ARAP1: variants seen among roughly 807,000 people sequenced by gnomAD.
ARAP1 encodes arf-GAP with Rho-GAP domain, ANK repeat and PH domain-containing protein 1.
A neutral mutation model predicts 172.2 loss-of-function variants in ARAP1; 76 were observed. The observed-to-expected ratio is 0.44, with a 90% CI of 0.37 to 0.53. The LOEUF (loss-of-function observed/expected upper bound fraction) is 0.53. Among genes scored for constraint, ARAP1 ranks in the 20% least tolerant of loss-of-function variants. The pLI, the probability that ARAP1 is intolerant of heterozygous loss-of-function variation, is 0.00. For missense variants in ARAP1, 1,686 were observed against 1,977.5 expected (o/e 0.85, Z 2.80); for synonymous variants, 804 against 803.3 (o/e 1.00, Z -0.01).
intron 1 of ARAP1, among the ~76,000 whole-genome samples, chr11:72,750,679 TG>T (rs1220313095): frequency 6.6e-6 from 1 of 152,150 alleles, no homozygotes; most frequent in Non-Finnish European, 1.5e-5. Flanking sequence ...ATCCTGCAGA[TG>T]GGGAAATGGA....
intron 30 of ARAP1, among the ~76,000 whole-genome samples, chr11:72,692,382 C>T (rs1383136452): frequency 6.6e-6 from 1 of 152,182 alleles, no homozygotes; most frequent in Non-Finnish European, 1.5e-5. Flanking sequence ...AACATTCTGA[C>T]AGTCCTGGAA....
chr11:72,721,844 G>T, intron 3 of ARAP1: 1 of 985,662 alleles, frequency 1.0e-6, no homozygotes, highest in Non-Finnish European at 1.2e-6. Context: ...GCGGCACCTC[G>T]CTTACCCTCA....
At chr11:72,751,711 T>TC (rs1858536160) in intron 1 of ARAP1, among the ~76,000 whole-genome samples, 1 of 150,834 alleles carries the variant, frequency 6.6e-6, no homozygotes, top group African/African-American at 2.4e-5. Flanking sequence ...CTGGCCAGAT[T>TC]CCCCCCCTCC....
chr11:72,734,286 A>C (rs1190216439), intron 1 of ARAP1, among the ~76,000 whole-genome samples: 1 of 151,988 alleles, frequency 6.6e-6, no homozygotes, highest in East Asian at 1.9e-4. Flanking sequence ...GTGCCCAGCT[A>C]ATTTTGTTAT....
intron 1 of ARAP1, among the ~76,000 whole-genome samples, chr11:72,744,113 C>T (rs1858284224): frequency 6.6e-6 from 1 of 152,104 alleles, no homozygotes; most frequent in South Asian, 2.1e-4. Flanking sequence ...TCTCCGACTC[C>T]CACAGTCACA....
chr11:72,699,285 G>C lies in ARAP1; in HGVS notation c.2438+132C>G. ...CTGGGGCCTCAAGAGACTGGAGTCG[G>C]CCCTTGTGCAGCCTCCGTTTGCTGT... is the stretch of plus-strand genomic sequence containing the variant. On this transcript the variant is annotated intron_variant, in intron 17 of 34. Coordinates refer to ENST00000393609, the MANE Select transcript of ARAP1 (RefSeq NM_001040118.3). This position sits in a 1 kb window ranked among gnomAD's most constrained non-coding sequence, Gnocchi z 4.2. 6.9e-7 allele frequency: 1 copy of C among 1,456,140 alleles called. No homozygotes were observed. The highest frequency in any genetic ancestry group is 9.3e-7 in the Non-Finnish European group (1 of 1,073,668). 90.2% of individuals were successfully genotyped at this position (1,456,140 alleles called of 1,614,324 possible). A position where few individuals can be genotyped will look rare whatever the true frequency, so the allele number is the denominator to read the frequency against.
chr11:72,711,163 T>C (rs754773089), intron 8 of ARAP1, 22 bp from the exon 9 acceptor site: 5 of 1,613,774 alleles, frequency 3.1e-6, no homozygotes, highest in Non-Finnish European at 4.2e-6. Flanking sequence ...ACAGGAACTA[T>C]ATTTTGGGAC....
rs758440606 is a variant in ARAP1 at position 72,695,559 on chromosome 11, T to C, written c.3490A>G (p.Thr1164Ala). Reference sequence around the variant, plus strand: ...GCCTTCACCTGGGTCCCACTGGCAGTGCCAGCCACGCGCATCTTCACAATG... The same window carrying C: ...GCCTTCACCTGGGTCCCACTGGCAGCGCCAGCCACGCGCATCTTCACAATG... ...TAIVKMRVAGTASGTQHAGDF... is the reference protein window; with the variant it reads ...TAIVKMRVAGAASGTQHAGDF... The change falls in exon 25 of 35, where the codon ACT (threonine) becomes GCT (alanine). Residue 1164 changes from threonine (T) to alanine (A), a missense_variant. Coordinates refer to ENST00000393609, the MANE Select transcript of ARAP1 (RefSeq NM_001040118.3). The surrounding 1 kb of genome is among the most constrained non-coding windows in gnomAD (Gnocchi z 4.4). 6.2e-7 allele frequency: 1 copy of C among 1,613,968 alleles called. No homozygotes were observed. The highest frequency in any genetic ancestry group is 8.5e-7 in the Non-Finnish European group (1 of 1,180,040).
intron 8 of ARAP1, 105 bp downstream of exon 8, chr11:72,711,325 A>G (rs1857002273): frequency 2.0e-6 from 3 of 1,493,574 alleles, no homozygotes; most frequent in African/African-American, 1.4e-5. Flanking sequence ...GGTCAGACTT[A>G]GAACTCTGGC....
At chr11:72,748,017 C>T (rs1858421589) in intron 1 of ARAP1, among the ~76,000 whole-genome samples, 1 of 152,198 alleles carries the variant, frequency 6.6e-6, no homozygotes, top group African/African-American at 2.4e-5. Context: ...TGTAGATTCC[C>T]AGCTATTCTA....
At chr11:72,730,611 A>G (rs1857837171) in intron 2 of ARAP1, among the ~76,000 whole-genome samples, 1 of 152,186 alleles carries the variant, frequency 6.6e-6, no homozygotes, top group African/African-American at 2.4e-5. Context: ...GGTGCAGGAG[A>G]ATCGCTTGAA....
chr11:72,734,080 C>CG (rs1491126731), intron 1 of ARAP1, among the ~76,000 whole-genome samples: 66 of 151,844 alleles, frequency 4.3e-4, no homozygotes, highest in African/African-American at 1.5e-3. Flanking sequence ...CCCACCTCAG[C>CG]CCCCCCAGTT....
chr11:72,704,054 C>T (rs1856643754), intron 14 of ARAP1, 98 bp downstream of exon 14: 4 of 1,486,296 alleles, frequency 2.7e-6, no homozygotes, highest in Non-Finnish European at 1.9e-6. Context: ...AGACATCTCC[C>T]TGAGCTGGTA....
chr11:72,692,135 G>C (rs1855960586), intron 30 of ARAP1, among the ~76,000 whole-genome samples: 1 of 152,144 alleles, frequency 6.6e-6, no homozygotes, highest in African/African-American at 2.4e-5. Context: ...GGGACCCATG[G>C]GGGCATCATG....
intron 16 of ARAP1, among the ~76,000 whole-genome samples, chr11:72,701,382 C>G (rs1856477449): frequency 6.6e-6 from 1 of 152,168 alleles, no homozygotes; most frequent in Non-Finnish European, 1.5e-5. Flanking sequence ...ACCAGATGCT[C>G]AGCAGAGCCC....
chr11:72,708,928 T>C (rs759945658), intron 11 of ARAP1, among the ~76,000 whole-genome samples: 4 of 151,914 alleles, frequency 2.6e-5, no homozygotes, highest in South Asian at 2.1e-4. Context: ...TCCCAGCTAC[T>C]TGGGGAGGCT....
In ARAP1 at chr11:72,701,646, C is replaced by T; in HGVS notation, c.2302+3G>A. The T allele has an allele frequency of 1.2e-6, 2 of 1,612,120 alleles. No homozygotes were observed. The highest frequency in any genetic ancestry group is 2.2e-5 in the East Asian group (1 of 44,868). On this transcript the variant is annotated splice_donor_region_variant and intron_variant, in intron 16 of 34. Transcript: ENST00000393609. ...CTAAAGCAGAGTCTGGGGTGGCACC[C>T]ACCTTCCCGGGCCCGGCGGTCCTGT... is the stretch of plus-strand genomic sequence containing the variant.
intron 11 of ARAP1, 131 bp downstream of exon 11, chr11:72,709,739 C>T (rs969711422): frequency 1.1e-6 from 1 of 915,438 alleles, no homozygotes; most frequent in Non-Finnish European, 1.8e-6. Context: ...GAGAGGGGCT[C>T]CACAGGTGGG....
intron 16 of ARAP1, chr11:72,700,355 C>T (rs1019191399): frequency 6.6e-6 from 1 of 152,418 alleles, no homozygotes; most frequent in Non-Finnish European, 1.5e-5. Flanking sequence ...GCTTTGTCCC[C>T]GTAGGAAAGC....
Sources: allele counts gnomAD v4.1 joint callset (sites outside exome capture counted in the v4.1 genomes callset), GRCh38; gene constraint gnomAD v4.1.1; non-coding constraint Gnocchi (gnomAD v3.1); transcripts MANE v1.5; gene names NCBI Gene and HGNC (gene_info 2026-07-23, HGNC 2026-07-21).